Variants in SUMF1 observed in about 807,000 individuals in gnomAD.
SUMF1 encodes the protein formylglycine-generating enzyme.
In SUMF1, 48 loss-of-function variants were observed where a neutral mutation model predicts 47.6. The observed-to-expected ratio is 1.01, with a 90% confidence interval of 0.80 to 1.28. SUMF1 has a LOEUF of 1.28. Among genes scored for constraint, SUMF1 ranks in the 50% most tolerant of loss-of-function variants. The pLI, the probability that SUMF1 is intolerant of heterozygous loss-of-function variation, is 0.00. For missense variants in SUMF1, 571 were observed against 485.4 expected (o/e 1.18, Z -1.66); for synonymous variants, 230 against 192.1 (o/e 1.20, Z -1.63).
At chr3:4,091,451 T>C (rs1392292311) in intron 8 of SUMF1, among the ~76,000 whole-genome samples, 2 of 152,162 alleles carry the variant, frequency 1.3e-5, no homozygotes, top group African/African-American at 2.4e-5. Context: ...GAATTGAATG[T>C]ACCTTTAAAA....
chr3:4,423,277 G>GATAC (rs1553577141), intron 3 of SUMF1, among the ~76,000 whole-genome samples: 4 of 89,888 alleles, frequency 4.4e-5, no homozygotes, highest in African/African-American at 1.9e-4. Context: ...AAGAAACTGT[G>GATAC]ATACACACAC....
chr3:4,402,486 T>A (rs1327474435), intron 7 of SUMF1, among the ~76,000 whole-genome samples: 1 of 152,222 alleles, frequency 6.6e-6, no homozygotes, highest in Non-Finnish European at 1.5e-5. Context: ...AAGACTGGTG[T>A]TTCACATACC....
chr3:4,347,199 C>T (rs1457573986), intron 8 of SUMF1, among the ~76,000 whole-genome samples: 1 of 152,184 alleles, frequency 6.6e-6, no homozygotes, highest in Non-Finnish European at 1.5e-5. Context: ...CAATATCATC[C>T]TGATACCAAA....
chr3:4,151,728 C>G (rs1694340984), intron 8 of SUMF1, among the ~76,000 whole-genome samples: 1 of 149,824 alleles, frequency 6.7e-6, no homozygotes, highest in African/African-American at 2.5e-5. Context: ...ACAAAAAAAT[C>G]TCATAATGTT....
chr3:4,365,902 G>A (rs1020350586), intron 8 of SUMF1, among the ~76,000 whole-genome samples: 2 of 151,992 alleles, frequency 1.3e-5, no homozygotes, highest in Non-Finnish European at 2.9e-5. Flanking sequence ...GCTCTTTTAG[G>A]GCAGGCCTGG....
At chr3:4,466,912 C>G (rs1023184599) in intron 1 of SUMF1, 64 bp downstream of exon 1, 52 of 1,573,678 alleles carry the variant, frequency 3.3e-5, no homozygotes, top group Non-Finnish European at 4.1e-5. Flanking sequence ...CCTTGCTTTG[C>G]CTACTCCAAC....
chr3:4,104,584 G>A (rs759832409), intron 8 of SUMF1, among the ~76,000 whole-genome samples: 6 of 151,796 alleles, frequency 4.0e-5, no homozygotes, highest in South Asian at 2.1e-4. Flanking sequence ...CGTATTCTCC[G>A]GATACCCACC....
rs760627195 is a variant in SUMF1 at position 4,314,662 on chromosome 3, AAAAT to A, written c.1014+61664_1014+61667del. Among the ~76,000 whole-genome samples the A allele has an allele frequency of 2.2e-4, 33 of 152,172 alleles. 1 individual carries two copies. Among genetic ancestry groups the A allele is most frequent in the Admixed American group, 5.2e-4 (8 of 15,268 alleles). On this transcript the variant is annotated intron_variant and NMD_transcript_variant, in intron 8 of 12. Transcript: ENST00000448413. ...CCTCACTTCATGTATAAATAACAGA[AAAAT>A]AACCCTGTCCACACCACAGAAGGAG... is the stretch of plus-strand genomic sequence containing the variant.
intron 7 of SUMF1, among the ~76,000 whole-genome samples, chr3:4,391,829 T>C (rs1016209225): frequency 6.3e-4 from 83 of 131,252 alleles, no homozygotes; most frequent in African/African-American, 2.3e-3. Flanking sequence ...TTCTTTTCTT[T>C]TCTTTTTTTT....
At chr3:4,323,073 T>C (rs756577916) in intron 8 of SUMF1, among the ~76,000 whole-genome samples, 1 of 152,172 alleles carries the variant, frequency 6.6e-6, no homozygotes, top group Non-Finnish European at 1.5e-5. Flanking sequence ...CAAATATTCA[T>C]ATAACGTTAT....
chr3:4,433,651 C>A (rs1702305771), intron 3 of SUMF1, among the ~76,000 whole-genome samples: 1 of 152,216 alleles, frequency 6.6e-6, no homozygotes. Context: ...TGAAATGGGT[C>A]ATACCAGGTC....
rs573000939 is a variant in SUMF1, at chr3:4,281,333, G to A, written c.1014+94997C>T. The stretch of plus-strand genomic sequence containing the variant: ...ATTCAGGGAAGGGATGGTGGAGAGG[G>A]TTGATTTCACTGTGAGAGAGAGAGA... On this transcript the variant is annotated intron_variant and NMD_transcript_variant, in intron 8 of 12. Coordinates refer to the SUMF1 transcript ENST00000448413. Among the ~76,000 whole-genome samples the A allele has an allele frequency of 5.9e-5, 9 of 152,206 alleles. No homozygotes were observed. In the South Asian group the frequency reaches 1.2e-3, roughly 21 times the overall value.
chr3:4,290,533 C>G (rs959818381), intron 8 of SUMF1, among the ~76,000 whole-genome samples: 3 of 152,174 alleles, frequency 2.0e-5, no homozygotes, highest in Non-Finnish European at 4.4e-5. Flanking sequence ...GAGAAGGTAA[C>G]ATGGAACATC....
At chr3:4,259,235 C>T (rs1245571847) in intron 8 of SUMF1, among the ~76,000 whole-genome samples, 2 of 151,756 alleles carry the variant, frequency 1.3e-5, no homozygotes, top group South Asian at 2.1e-4. Flanking sequence ...GCACAATGTG[C>T]ACATGTACCC....
At chr3:4,249,627 C>T (rs313650) in intron 8 of SUMF1, among the ~76,000 whole-genome samples, 1,613 of 152,218 alleles carry the variant, frequency 0.011, 33 homozygotes, top group African/African-American at 0.036. Flanking sequence ...CCTCCCAATT[C>T]CCTGAGACAC....
chr3:4,392,125 T>C (rs1415164448), intron 7 of SUMF1, among the ~76,000 whole-genome samples: 1 of 152,142 alleles, frequency 6.6e-6, no homozygotes, highest in African/African-American at 2.4e-5. Flanking sequence ...ACTGCACCTG[T>C]CCTGGATACT....
Position 4,449,251 on chromosome 3 carries a change from T to A in SUMF1, c.519+15A>T. On this transcript the variant is annotated intron_variant, in intron 3 of 8. Coordinates refer to ENST00000272902, the MANE Select transcript of SUMF1 (RefSeq NM_182760.4). Reference sequence around the variant, plus strand: ...GCCTTAGAGAAATACAGGAGCCTGTTGAAACATTACTTACTGCCTGTTGAA... The same window carrying A: ...GCCTTAGAGAAATACAGGAGCCTGTAGAAACATTACTTACTGCCTGTTGAA... The A allele has an allele frequency of 6.2e-7, 1 of 1,614,104 alleles. No individual in the cohort carries two copies. The highest frequency in any genetic ancestry group is 8.5e-7 in the Non-Finnish European group (1 of 1,179,922).
At chr3:4,050,461 G>A (rs1244653190) in intron 9 of SUMF1, among the ~76,000 whole-genome samples, 1 of 151,946 alleles carries the variant, frequency 6.6e-6, no homozygotes, top group East Asian at 1.9e-4. Context: ...TGTCATGATG[G>A]CCAGGTGTAG....
At chr3:4,447,890 A>C (rs1559306311) in intron 3 of SUMF1, among the ~76,000 whole-genome samples, 2 of 152,168 alleles carry the variant, frequency 1.3e-5, no homozygotes, top group Non-Finnish European at 2.9e-5. Flanking sequence ...GGAGGTTCTC[A>C]AGTGACAAGA....
Sources: allele counts gnomAD v4.1 joint callset (sites outside exome capture counted in the v4.1 genomes callset), GRCh38; gene constraint gnomAD v4.1.1; transcripts MANE v1.5; gene names NCBI Gene and HGNC (gene_info 2026-07-23, HGNC 2026-07-21).